TRPM7: variants seen among roughly 807,000 people sequenced by gnomAD.
TRPM7 encodes the protein transient receptor potential cation channel subfamily M member 7, also known as LTRPC ion channel family member 7.
In TRPM7, 134 loss-of-function variants were observed where a neutral mutation model predicts 229.7. The observed-to-expected ratio is 0.58, with a 90% CI of 0.51 to 0.67. The LOEUF is 0.67. Among genes scored for constraint, TRPM7 ranks in the 30% least tolerant of loss-of-function variants. The probability of loss-of-function intolerance (pLI) is 0.00; values close to 1 mark genes in which losing one functional copy is unlikely to be tolerated. For missense variants in TRPM7, 1,901 were observed against 2,210.0 expected (o/e 0.86, Z 2.80); for synonymous variants, 699 against 715.2 (o/e 0.98, Z 0.36).
At chr15:50,676,633 A>G (rs2140971361) in intron 1 of TRPM7, among the ~76,000 whole-genome samples, 1 of 152,184 alleles carries the variant, frequency 6.6e-6, no homozygotes, top group South Asian at 2.1e-4. Flanking sequence ...AGCAGAAACC[A>G]GACGGAGTCT....
intron 9 of TRPM7, among the ~76,000 whole-genome samples, chr15:50,631,756 T>C (rs367958236): frequency 5.9e-5 from 9 of 152,180 alleles, no homozygotes; most frequent in African/African-American, 2.2e-4. Context: ...TTTGGTTTCA[T>C]ATTACATTCA....
At chr15:50,632,714 G>C (rs926271539) in intron 9 of TRPM7, among the ~76,000 whole-genome samples, 155 bp downstream of exon 9, 7 of 152,022 alleles carry the variant, frequency 4.6e-5, no homozygotes, top group African/African-American at 1.7e-4. Context: ...CTCTCAACTT[G>C]AACAGACCAA....
chr15:50,642,435 C>A (rs2061130242), intron 5 of TRPM7, among the ~76,000 whole-genome samples: 1 of 152,182 alleles, frequency 6.6e-6, no homozygotes, highest in Non-Finnish European at 1.5e-5. Context: ...GAATTGTAAT[C>A]CCTATAATCC....
At chr15:50,621,342 T>G (rs1460889709) in intron 12 of TRPM7, among the ~76,000 whole-genome samples, 1 of 152,154 alleles carries the variant, frequency 6.6e-6, no homozygotes, top group Admixed American at 6.5e-5. Flanking sequence ...TAACGGTATG[T>G]AATCACATGG....
chr15:50,637,075 G>A (rs1042730200), intron 7 of TRPM7, among the ~76,000 whole-genome samples: 2 of 150,626 alleles, frequency 1.3e-5, no homozygotes, highest in African/African-American at 2.4e-5. Flanking sequence ...GCAGTGAGCC[G>A]AGATCATGCC....
At position 50,637,501 on chromosome 15, in the gene TRPM7, G is replaced by C; in HGVS notation, c.753C>G (p.Gly251=). 6.2e-7 allele frequency: 1 copy of C among 1,613,994 alleles called. No individual in the cohort carries two copies. Among genetic ancestry groups the C allele is most frequent in the Non-Finnish European group, 8.5e-7 (1 of 1,179,976 alleles). The change falls in exon 7 of 39, where the codon GGC becomes GGG. Residue 251 remains glycine, a synonymous_variant. Coordinates refer to ENST00000646667, the MANE Select transcript of TRPM7 (RefSeq NM_017672.6). ...CTTCCGCCCCATACTTTCCAACAGT[G>C]CCATCATCCACCAATATGAAATGGG... ...LHSHFILVDD[G]TVGKYGAEVR... is the part of the protein sequence containing the mutation.
intron 1 of TRPM7, among the ~76,000 whole-genome samples, chr15:50,665,318 C>T (rs1157076398): frequency 1.3e-5 from 2 of 151,382 alleles, no homozygotes; most frequent in Admixed American, 6.6e-5. Flanking sequence ...TGCTTGAACC[C>T]GGGAGGCAGA....
rs558960125 is a variant in TRPM7, at chr15:50,607,128, CCAAAACAAAA to C, written c.2709+62_2709+71del. The C allele has an allele frequency of 2.8e-6, 4 of 1,450,176 alleles. No homozygotes were observed. In the Admixed American group the frequency reaches 8.1e-5, roughly 29 times the overall value. The allele number at this position is 1,450,176 out of a possible 1,614,324, so 89.8% of individuals were successfully genotyped here. On this transcript the variant is annotated intron_variant, in intron 20 of 38. Coordinates refer to ENST00000646667, the MANE Select transcript of TRPM7 (RefSeq NM_017672.6). ...CACACACACCCCCCTACGTATACAC[CCAAAACAAAA>C]CAAAACAGAAAATCTTCCATGTATA...
intron 5 of TRPM7, 63 bp downstream of exon 5, chr15:50,643,277 G>A: frequency 4.4e-6 from 6 of 1,353,034 alleles, no homozygotes; most frequent in Non-Finnish European, 6.2e-6. Context: ...AACAGAGTGA[G>A]AGTCCGTCTC....
chr15:50,686,153 G>C (rs561715974), intron 1 of TRPM7, among the ~76,000 whole-genome samples: 1 of 152,334 alleles, frequency 6.6e-6, no homozygotes, highest in South Asian at 2.1e-4. Flanking sequence ...CTGGCGCCAG[G>C]AGGACCGTGC....
chr15:50,624,370 G>T, intron 11 of TRPM7, 70 bp from the exon 12 acceptor site: 1 of 1,310,538 alleles, frequency 7.6e-7, no homozygotes, highest in Non-Finnish European at 1.0e-6. Flanking sequence ...TAAATGTTAA[G>T]TCCTTAGGAT....
At chr15:50,625,485 T>C (rs1331314461) in intron 11 of TRPM7, among the ~76,000 whole-genome samples, 1 of 152,178 alleles carries the variant, frequency 6.6e-6, no homozygotes, top group Non-Finnish European at 1.5e-5. Flanking sequence ...CATAGCTCAC[T>C]GCAGCCTCAA....
At position 50,561,450 on chromosome 15, in the gene TRPM7, A is replaced by G; in HGVS notation, c.*228T>C. On this transcript the variant is annotated 3_prime_UTR_variant, in exon 39 of 39. Coordinates refer to ENST00000646667, the MANE Select transcript of TRPM7 (RefSeq NM_017672.6). ...AGCCCTTTAAAAAGTTATAAATACTAATTATCAATTACCTTTAAAATTTCT... is the reference window on the plus strand; with the variant it reads ...AGCCCTTTAAAAAGTTATAAATACTGATTATCAATTACCTTTAAAATTTCT... The G allele has an allele frequency of 2.2e-6, 1 of 446,122 alleles. No homozygotes were observed. Among genetic ancestry groups the G allele is most frequent in the South Asian group, 3.7e-5 (1 of 26,830 alleles). 27.6% of individuals were successfully genotyped at this position (446,122 alleles called of 1,614,324 possible). A position where few individuals can be genotyped will look rare whatever the true frequency, so the allele number is the denominator to read the frequency against.
intron 4 of TRPM7, among the ~76,000 whole-genome samples, chr15:50,647,562 A>G (rs2061305567): frequency 6.6e-6 from 1 of 152,098 alleles, no homozygotes; most frequent in Admixed American, 6.5e-5. Context: ...TGGCTAACAC[A>G]ATGAAACCCT....
At chr15:50,665,542 C>T (rs1393914107) in intron 1 of TRPM7, among the ~76,000 whole-genome samples, 5 of 152,060 alleles carry the variant, frequency 3.3e-5, no homozygotes, top group Admixed American at 1.3e-4. Flanking sequence ...ACATTCAACA[C>T]TTTATATAAC....
At chr15:50,594,951 T>C (rs898317508) in intron 23 of TRPM7, among the ~76,000 whole-genome samples, 3 of 152,182 alleles carry the variant, frequency 2.0e-5, no homozygotes, top group Non-Finnish European at 2.9e-5. Flanking sequence ...TCTATAATCT[T>C]AGCACTTTGG....
chr15:50,596,404 A>G, intron 22 of TRPM7, 23 bp from the exon 23 acceptor site: 2 of 1,544,690 alleles, frequency 1.3e-6, no homozygotes, highest in Non-Finnish European at 1.7e-6. Flanking sequence ...AAAAAGAAAA[A>G]AACAAAAACA....
chr15:50,636,335 C>T (rs1253890464), intron 7 of TRPM7, among the ~76,000 whole-genome samples: 1 of 151,972 alleles, frequency 6.6e-6, no homozygotes, highest in East Asian at 1.9e-4. Context: ...GGACTACAAG[C>T]ACACGCCACC....
chr15:50,679,901 A>C (rs977653532), intron 1 of TRPM7, among the ~76,000 whole-genome samples: 1 of 152,022 alleles, frequency 6.6e-6, no homozygotes, highest in South Asian at 2.1e-4. Flanking sequence ...TTTCTAATCT[A>C]CTAAGGATTG....
Sources: allele counts gnomAD v4.1 joint callset (sites outside exome capture counted in the v4.1 genomes callset), GRCh38; gene constraint gnomAD v4.1.1; transcripts MANE v1.5; gene names NCBI Gene and HGNC (gene_info 2026-07-23, HGNC 2026-07-21).